Variants in ELMO1 observed in about 807,000 individuals in gnomAD.
ELMO1 encodes the protein engulfment and cell motility protein 1.
ELMO1 carries 26 observed loss-of-function variants against 98.9 expected under a neutral mutation model. That is an observed-to-expected ratio of 0.26 (90% CI 0.19 to 0.36). ELMO1 has a LOEUF of 0.36. Ranked by LOEUF, ELMO1 falls within the 10% of genes least tolerant of loss-of-function variation. The pLI, the probability that ELMO1 is intolerant of heterozygous loss-of-function variation, is 1.00. For synonymous variants in ELMO1, 346 were observed against 346.0 expected (o/e 1.00, Z 0.00); for missense variants, 627 against 935.2 (o/e 0.67, Z 4.30).
At chr7:37,051,969 G>A (rs1796132722) in intron 15 of ELMO1, among the ~76,000 whole-genome samples, 1 of 152,162 alleles carries the variant, frequency 6.6e-6, no homozygotes, top group South Asian at 2.1e-4. Flanking sequence ...GTAGGGCAGA[G>A]GTCATTAAAC....
chr7:37,214,784 A>T (rs1468457511), intron 11 of ELMO1, among the ~76,000 whole-genome samples: 2 of 152,188 alleles, frequency 1.3e-5, no homozygotes, highest in African/African-American at 4.8e-5. Context: ...TTTCTTAGCA[A>T]CTCGAAAGTA....
At chr7:37,292,160 G>T (rs1296188860) in intron 4 of ELMO1, among the ~76,000 whole-genome samples, 1 of 119,594 alleles carries the variant, frequency 8.4e-6, no homozygotes, top group African/African-American at 2.7e-5. Context: ...GTGTTGGCCG[G>T]GCTGGTCTCC....
intron 16 of ELMO1, among the ~76,000 whole-genome samples, chr7:36,951,364 T>C (rs1164879925): frequency 1.3e-5 from 2 of 152,250 alleles, no homozygotes; most frequent in Non-Finnish European, 1.5e-5. Flanking sequence ...CCGGCCAAAA[T>C]GGTCTTGGTT....
At chr7:36,922,013 T>C (rs911957271) in intron 16 of ELMO1, among the ~76,000 whole-genome samples, 27 of 152,218 alleles carry the variant, frequency 1.8e-4, no homozygotes, top group African/African-American at 6.5e-4. Context: ...TCCTTGCTAA[T>C]TTTGTTTTTT....
intron 13 of ELMO1, among the ~76,000 whole-genome samples, chr7:37,183,079 G>C (rs1268210191): frequency 6.6e-6 from 1 of 152,198 alleles, no homozygotes; most frequent in African/African-American, 2.4e-5. Context: ...TGATTGGTGT[G>C]TTGATACACT....
chr7:37,292,516 C>A (rs1305923635), intron 4 of ELMO1, among the ~76,000 whole-genome samples: 1 of 78,168 alleles, frequency 1.3e-5, no homozygotes, highest in Admixed American at 1.3e-4. Flanking sequence ...CGCCTCTTCC[C>A]GGCCGCCATC....
intron 17 of ELMO1, among the ~76,000 whole-genome samples, chr7:36,888,058 G>A (rs571785712): frequency 1.3e-5 from 2 of 152,230 alleles, no homozygotes; most frequent in South Asian, 4.1e-4. Context: ...CTAAACTCTG[G>A]GACTGTGTTT....
At chr7:36,883,506 C>G (rs1336756204) in intron 18 of ELMO1, among the ~76,000 whole-genome samples, 1 of 152,126 alleles carries the variant, frequency 6.6e-6, no homozygotes, top group African/African-American at 2.4e-5. Context: ...GGGTGGAATG[C>G]TCATGAATGT....
At chr7:37,411,341 T>TA (rs1803984652) in intron 1 of ELMO1, among the ~76,000 whole-genome samples, 1 of 152,252 alleles carries the variant, frequency 6.6e-6, no homozygotes, top group African/African-American at 2.4e-5. Flanking sequence ...GAAATCACTG[T>TA]AACAAGCTAT....
At chr7:36,921,335 A>T (rs1785140415) in intron 16 of ELMO1, among the ~76,000 whole-genome samples, 2 of 152,170 alleles carry the variant, frequency 1.3e-5, no homozygotes, top group African/African-American at 2.4e-5. Context: ...TCTGCCACTT[A>T]CTAGCTAGCT....
chr7:37,339,642 C>T (rs557492564), intron 2 of ELMO1, among the ~76,000 whole-genome samples: 369 of 152,212 alleles, frequency 2.4e-3, no homozygotes, highest in Admixed American at 5.6e-3. Context: ...GTGCCAACTT[C>T]TGATTCAATC....
chr7:37,285,419 A>G (rs1196683250), intron 4 of ELMO1, among the ~76,000 whole-genome samples: 2 of 152,206 alleles, frequency 1.3e-5, no homozygotes, highest in Non-Finnish European at 1.5e-5. Flanking sequence ...AGTCTTGCAA[A>G]TGTCCCCTAA....
At chr7:36,887,454 A>T (rs1314176421) in intron 18 of ELMO1, 106 bp downstream of exon 18, 1 of 982,334 alleles carries the variant, frequency 1.0e-6, no homozygotes, top group Non-Finnish European at 1.6e-6. Context: ...TCCTGAGTAC[A>T]ATGCTGCATG....
intron 13 of ELMO1, among the ~76,000 whole-genome samples, chr7:37,189,987 T>C (rs1394048959): frequency 6.9e-6 from 1 of 145,452 alleles, no homozygotes; most frequent in African/African-American, 2.6e-5. Flanking sequence ...TGAATCTCTC[T>C]ACAAACCATG....
intron 16 of ELMO1, among the ~76,000 whole-genome samples, chr7:36,991,829 TA>T (rs1345656281): frequency 6.6e-6 from 1 of 152,124 alleles, no homozygotes; most frequent in Non-Finnish European, 1.5e-5. Context: ...GCCTATGCTA[TA>T]AAAGGCCCCA....
intron 4 of ELMO1, among the ~76,000 whole-genome samples, chr7:37,283,891 G>A (rs1162645372): frequency 1.3e-5 from 2 of 152,190 alleles, no homozygotes; most frequent in African/African-American, 4.8e-5. Context: ...AAGAACCCTG[G>A]GGGACAAGCA....
chr7:37,302,172 T>C (rs1798385031), intron 4 of ELMO1, among the ~76,000 whole-genome samples: 1 of 151,648 alleles, frequency 6.6e-6, no homozygotes, highest in Admixed American at 6.6e-5. Flanking sequence ...AAGACAAGAG[T>C]CTAGCAATAT....
intron 4 of ELMO1, among the ~76,000 whole-genome samples, chr7:37,281,111 T>G (rs527363838): frequency 6.6e-6 from 1 of 152,052 alleles, no homozygotes; most frequent in South Asian, 2.1e-4. Flanking sequence ...TGGAGACTAT[T>G]ATTCTAAGTA....
chr7:37,408,649 A>G (rs746320472), intron 1 of ELMO1, among the ~76,000 whole-genome samples: 7 of 152,226 alleles, frequency 4.6e-5, no homozygotes, highest in Non-Finnish European at 8.8e-5. Flanking sequence ...TAAGTGAGGT[A>G]AGCCGGCCAC....
Sources: allele counts gnomAD v4.1 joint callset (sites outside exome capture counted in the v4.1 genomes callset), GRCh38; gene constraint gnomAD v4.1.1; transcripts MANE v1.5; gene names NCBI Gene and HGNC (gene_info 2026-07-23, HGNC 2026-07-21).